Variants in TXN2 observed in about 807,000 individuals in gnomAD.
The protein encoded by TXN2 is thioredoxin, mitochondrial.
TXN2 carries 12 observed loss-of-function variants against 14.6 expected under a neutral mutation model. That is an observed-to-expected ratio of 0.82 (90% CI 0.53 to 1.33). The LOEUF is 1.33. Among genes scored for constraint, TXN2 ranks in the 40% most tolerant of loss-of-function variants. TXN2 has a pLI of 0.00. For missense variants in TXN2, 173 were observed against 207.7 expected (o/e 0.83, Z 1.03); for synonymous variants, 89 against 81.0 (o/e 1.10, Z -0.53).
intron 3 of TXN2, among the ~76,000 whole-genome samples, chr22:36,474,545 G>A (rs969941125): frequency 2.0e-5 from 3 of 152,194 alleles, no homozygotes; most frequent in African/African-American, 7.2e-5. Context: ...CCTGGAGGAG[G>A]AAGGAGGGAG....
At position 36,467,175 on chromosome 22, in the gene TXN2, CCCCAG is replaced by C. The variant is rs1341791711; in HGVS notation, c.*624_*628del. The C allele has an allele frequency of 6.5e-6, 1 of 153,444 alleles. No individual in the cohort carries two copies. Among genetic ancestry groups the C allele is most frequent in the Non-Finnish European group, 1.5e-5 (1 of 68,748 alleles). The allele number at this position is 153,444 out of a possible 1,614,324, so 9.5% of individuals were successfully genotyped here. A position where few individuals can be genotyped will look rare whatever the true frequency, so the allele number is the denominator to read the frequency against. On this transcript the variant is annotated 3_prime_UTR_variant, in exon 4 of 4. Transcript: ENST00000216185. ...TCCGGAGTCGAGGCTCTCCAGGGTT[CCCCAG>C]CCCATCAATCATTTTCTGCACCCCC...
intron 3 of TXN2, among the ~76,000 whole-genome samples, chr22:36,474,308 C>T (rs1933343841): frequency 6.6e-6 from 1 of 152,220 alleles, no homozygotes; most frequent in Non-Finnish European, 1.5e-5. Context: ...TCTCCATCTC[C>T]CCTGCTTCTG....
At chr22:36,473,488 G>A (rs1168992926) in intron 3 of TXN2, among the ~76,000 whole-genome samples, 20 of 152,076 alleles carry the variant, frequency 1.3e-4, no homozygotes, top group Non-Finnish European at 1.2e-4. Flanking sequence ...CATCATGGGG[G>A]GCACTGTAGT....
chr22:36,478,765 G>A (rs1933438820), intron 2 of TXN2, among the ~76,000 whole-genome samples: 1 of 151,898 alleles, frequency 6.6e-6, no homozygotes, highest in African/African-American at 2.4e-5. Flanking sequence ...AGGAGTTTGA[G>A]AGACTAGCCT....
chr22:36,472,493 G>T (rs1405285925), intron 3 of TXN2, among the ~76,000 whole-genome samples: 3 of 152,166 alleles, frequency 2.0e-5, no homozygotes, highest in Non-Finnish European at 4.4e-5. Flanking sequence ...GACCACCCTG[G>T]TATGGGCTGT....
At chr22:36,469,387 T>C (rs1310640850) in intron 3 of TXN2, among the ~76,000 whole-genome samples, 1 of 143,954 alleles carries the variant, frequency 6.9e-6, no homozygotes, top group Non-Finnish European at 1.6e-5. Context: ...CTTGCTGCTG[T>C]GATGAGTGAC....
rs1374892187 is a variant in TXN2 at position 36,467,604 on chromosome 22, C to T, written c.*200G>A. 2.3e-5 allele frequency: 13 copies of T among 571,016 alleles called. No homozygotes were observed. Among genetic ancestry groups the T allele is most frequent in the East Asian group, 1.8e-4 (6 of 33,238 alleles). 35.4% of individuals were successfully genotyped at this position (571,016 alleles called of 1,614,324 possible). On this transcript the variant is annotated 3_prime_UTR_variant, in exon 4 of 4. Coordinates refer to ENST00000216185, the MANE Select transcript of TXN2 (RefSeq NM_012473.4). ...GTATGGGAGGGAAGACAGCGGTCCC[C>T]GGATCAGCAGCAGCACCACCATCCT...
In TXN2 at chr22:36,478,792, C is replaced by T. The variant is rs139393145; in HGVS notation, c.263+1783G>A. Among the ~76,000 whole-genome samples, 526 of 151,974 alleles carry T rather than the reference C, an allele frequency of 3.5e-3. 8 individuals carry two copies. Among genetic ancestry groups the T allele is most frequent in the African/African-American group, 0.012 (477 of 41,428 alleles). ...GACTAGCCTGGCCAATATGGTGAAA[C>T]CCCGTCTCTACTAAAAATACAAAAA... On this transcript the variant is annotated intron_variant, in intron 2 of 3. Transcript: ENST00000216185.
At chr22:36,473,835 A>G (rs947104046) in intron 3 of TXN2, among the ~76,000 whole-genome samples, 21 of 152,194 alleles carry the variant, frequency 1.4e-4, no homozygotes, top group Non-Finnish European at 2.6e-4. Context: ...GCCCACTCCC[A>G]CAACAGCCTC....
chr22:36,471,775 G>A, intron 3 of TXN2, among the ~76,000 whole-genome samples: 1 of 151,896 alleles, frequency 6.6e-6, no homozygotes, highest in East Asian at 1.9e-4. Flanking sequence ...TCGAGACAAG[G>A]CCGGCCAATG....
intron 2 of TXN2, among the ~76,000 whole-genome samples, chr22:36,477,570 C>T (rs1215636263): frequency 6.6e-6 from 1 of 152,158 alleles, no homozygotes; most frequent in Non-Finnish European, 1.5e-5. Context: ...TAGGAGAGAT[C>T]AACTAAGGCA....
At chr22:36,480,042 CCTAG>C (rs1933467585) in intron 2 of TXN2, among the ~76,000 whole-genome samples, 1 of 152,124 alleles carries the variant, frequency 6.6e-6, no homozygotes, top group African/African-American at 2.4e-5. Context: ...CACCACCACG[CCTAG>C]CTAATTTTGT....
chr22:36,476,639 C>G, intron 3 of TXN2, 94 bp downstream of exon 3: 1 of 1,539,122 alleles, frequency 6.5e-7, no homozygotes, highest in Non-Finnish European at 8.8e-7. Flanking sequence ...TTACTGGCTA[C>G]CTGTGCTCCC....
intron 1 of TXN2, 73 bp from the exon 2 acceptor site, chr22:36,480,910 TACTCAGGGCTC>T: frequency 6.8e-7 from 1 of 1,460,116 alleles, no homozygotes; most frequent in Non-Finnish European, 9.1e-7. Flanking sequence ...ATTTGGGGAG[TACTCAGGGCTC>T]AGGAAGAGGC....
chr22:36,477,250 C>T (rs1048137635), intron 2 of TXN2, among the ~76,000 whole-genome samples: 1 of 152,186 alleles, frequency 6.6e-6, no homozygotes, highest in Non-Finnish European at 1.5e-5. Flanking sequence ...CTCTATCCCC[C>T]AGGCTGGAGT....
intron 2 of TXN2, among the ~76,000 whole-genome samples, chr22:36,479,983 A>C (rs1044533607): frequency 6.6e-6 from 1 of 151,598 alleles, no homozygotes; most frequent in Non-Finnish European, 1.5e-5. Flanking sequence ...TCTTAGGTTC[A>C]AGTGATTCTC....
chr22:36,473,346 G>A (rs1933321100), intron 3 of TXN2, among the ~76,000 whole-genome samples: 1 of 152,182 alleles, frequency 6.6e-6, no homozygotes, highest in Non-Finnish European at 1.5e-5. Context: ...GGGAGGCTGA[G>A]GCAGGAGAAT....
chr22:36,470,575 CT>C (rs1262554576), intron 3 of TXN2, among the ~76,000 whole-genome samples: 2 of 152,064 alleles, frequency 1.3e-5, no homozygotes, highest in East Asian at 1.9e-4. Flanking sequence ...AGTGGCCTAA[CT>C]TTTTTCACGG....
rs369045496 is a variant in TXN2 at position 36,476,587 on chromosome 22, G to A, written c.387+146C>T. ...AGCCCAGGTGACAGTGAGAGATTCC[G>A]TCTCAAAAAAAAAAAGCTCTGGAAA... On this transcript the variant is annotated intron_variant, in intron 3 of 3. Transcript: ENST00000216185. The A allele has an allele frequency of 6.8e-4, 775 of 1,145,548 alleles. 3 individuals are homozygous for A. In the African/African-American group the frequency reaches 0.011, roughly 16 times the overall value. 71.0% of individuals were successfully genotyped at this position (1,145,548 alleles called of 1,614,324 possible).
Sources: allele counts gnomAD v4.1 joint callset (sites outside exome capture counted in the v4.1 genomes callset), GRCh38; gene constraint gnomAD v4.1.1; transcripts MANE v1.5; gene names NCBI Gene and HGNC (gene_info 2026-07-23, HGNC 2026-07-21).